The following DOCK2 variants were observed in gnomAD, a reference collection of about 807,000 sequenced individuals.
The protein encoded by DOCK2 is dedicator of cytokinesis protein 2.
DOCK2 carries 87 observed loss-of-function variants against 248.9 expected under a neutral mutation model. The ratio of observed to expected loss-of-function variants is 0.35; its 90% CI spans 0.29 to 0.42. The LOEUF (loss-of-function observed/expected upper bound fraction) is 0.42. DOCK2 is among the 10% of genes least tolerant of loss of function. The probability of loss-of-function intolerance (pLI) is 1.00; values close to 1 mark genes in which losing one functional copy is unlikely to be tolerated. For synonymous variants in DOCK2, 805 were observed against 821.6 expected, an observed-to-expected ratio of 0.98 and a Z score of 0.35; for missense variants, 1,747 against 2,300.2, an observed-to-expected ratio of 0.76 and a Z score of 4.92.
At chr5:170,016,271 C>T (rs369411226) in intron 32 of DOCK2, among the ~76,000 whole-genome samples, 3 of 152,204 alleles carry the variant, frequency 2.0e-5, no homozygotes, top group Non-Finnish European at 4.4e-5. Context: ...TTAGTAAATG[C>T]CCTTCCTTGG....
At chr5:169,994,438 G>A (rs564666944) in intron 29 of DOCK2, among the ~76,000 whole-genome samples, 79 of 152,312 alleles carry the variant, frequency 5.2e-4, no homozygotes, top group African/African-American at 1.9e-3. Flanking sequence ...CCCTGCAGAA[G>A]CTCATAGTCT....
chr5:169,695,756 C>T (rs1760580639), intron 9 of DOCK2, 47 bp from the exon 10 acceptor site: 1 of 1,601,622 alleles, frequency 6.2e-7, no homozygotes, highest in Admixed American at 1.8e-5. Context: ...TACCTTTTTT[C>T]CCCCATTCAG....
At chr5:169,774,119 T>C (rs185293472) in intron 25 of DOCK2, among the ~76,000 whole-genome samples, 1 of 152,304 alleles carries the variant, frequency 6.6e-6, no homozygotes, top group Admixed American at 6.5e-5. Flanking sequence ...TTTGCTAGGT[T>C]ATTTTTCCCC....
intron 2 of DOCK2, among the ~76,000 whole-genome samples, chr5:169,669,079 A>T (rs1284697657): frequency 6.6e-6 from 1 of 152,102 alleles, no homozygotes; most frequent in Non-Finnish European, 1.5e-5. Context: ...CCTTTATATG[A>T]AGTCTATTTT....
At chr5:169,667,223 G>A (rs972155082) in intron 2 of DOCK2, among the ~76,000 whole-genome samples, 3 of 152,178 alleles carry the variant, frequency 2.0e-5, no homozygotes, top group African/African-American at 7.2e-5. Flanking sequence ...TCAAGTCACT[G>A]CTACCAGATG....
intron 22 of DOCK2, among the ~76,000 whole-genome samples, chr5:169,730,206 C>T (rs1024965033): frequency 1.3e-5 from 2 of 152,202 alleles, no homozygotes; most frequent in Non-Finnish European, 2.9e-5. Context: ...ATCTGCCTGC[C>T]TCAGCCTCCC....
At chr5:169,903,554 G>A (rs1462935705) in intron 27 of DOCK2, among the ~76,000 whole-genome samples, 1 of 150,908 alleles carries the variant, frequency 6.6e-6, no homozygotes, top group Non-Finnish European at 1.5e-5. Context: ...GTTCGGGTGG[G>A]CACAAGTGGG....
chr5:169,961,681 G>T (rs887172961), intron 27 of DOCK2, among the ~76,000 whole-genome samples: 3 of 152,016 alleles, frequency 2.0e-5, no homozygotes, highest in Non-Finnish European at 2.9e-5. Context: ...AGTTTTTTAA[G>T]AAGAATAGAA....
rs13356757 is a variant in DOCK2 at position 169,656,743 on chromosome 5, G to A, written c.127+2257G>A. Reference sequence around the variant, plus strand: ...AATCCAGATGAGTATTTTTCTCTTCGTTGTATGCAGTTTCCCTGAATAGAA... The same window carrying A: ...AATCCAGATGAGTATTTTTCTCTTCATTGTATGCAGTTTCCCTGAATAGAA... On this transcript the variant is annotated intron_variant, in intron 2 of 51. Coordinates refer to ENST00000520908, the MANE Select transcript of DOCK2 (RefSeq NM_004946.3). Among the ~76,000 whole-genome samples the A allele has an allele frequency of 8.3e-3, 1,269 of 152,174 alleles. 26 individuals are homozygous for A. The highest frequency in any genetic ancestry group is 0.028 in the African/African-American group (1,178 of 41,506).
At chr5:169,889,204 A>G (rs1773146862) in intron 27 of DOCK2, among the ~76,000 whole-genome samples, 3 of 152,246 alleles carry the variant, frequency 2.0e-5, no homozygotes, top group Admixed American at 6.5e-5. Flanking sequence ...TGGAATAAAT[A>G]TTTGCATAAC....
At chr5:169,676,243 C>T (rs1759328308) in intron 6 of DOCK2, among the ~76,000 whole-genome samples, 1 of 152,080 alleles carries the variant, frequency 6.6e-6, no homozygotes, top group South Asian at 2.1e-4. Context: ...GCCTGGCTTC[C>T]CTCCTATTGT....
intron 22 of DOCK2, among the ~76,000 whole-genome samples, chr5:169,719,736 T>C (rs560375566): frequency 6.6e-6 from 1 of 152,234 alleles, no homozygotes; most frequent in Non-Finnish European, 1.5e-5. Context: ...CAACTCTATG[T>C]TCCTTGTTGT....
chr5:169,708,193 G>A lies in DOCK2; in HGVS notation c.1408G>A (p.Asp470Asn). 6.2e-7 allele frequency: 1 copy of A among 1,613,976 alleles called. No individual in the cohort carries two copies. Among genetic ancestry groups the A allele is most frequent in the Non-Finnish European group, 8.5e-7 (1 of 1,179,962 alleles). Residue 470 changes from aspartate to asparagine, a missense_variant, in exon 15 of 52, where the codon GAC (aspartate) becomes AAC (asparagine). Coordinates refer to ENST00000520908, the MANE Select transcript of DOCK2 (RefSeq NM_004946.3). Reference sequence around the variant, plus strand: ...GAATGCAATTTGCGTGGGAGCAGGGGACAAGCCCATGAATGAGTATCGCTC... The same window carrying A: ...GAATGCAATTTGCGTGGGAGCAGGGAACAAGCCCATGAATGAGTATCGCTC... ...LPNAICVGAG[D>N]KPMNEYRSVV...
intron 27 of DOCK2, among the ~76,000 whole-genome samples, chr5:169,866,673 C>T (rs1172352115): frequency 1.2e-4 from 19 of 152,208 alleles, no homozygotes; most frequent in African/African-American, 4.6e-4. Flanking sequence ...TAGAGACCTT[C>T]TAGCCAAAGC....
chr5:169,889,276 T>A (rs867160347), intron 27 of DOCK2, among the ~76,000 whole-genome samples: 33 of 152,356 alleles, frequency 2.2e-4, no homozygotes, highest in Middle Eastern at 6.8e-3. Flanking sequence ...AGATTTATTA[T>A]CAGTAGGTCT....
intron 1 of DOCK2, among the ~76,000 whole-genome samples, chr5:169,645,594 C>A (rs1757414666): frequency 6.6e-6 from 1 of 152,144 alleles, no homozygotes; most frequent in Non-Finnish European, 1.5e-5. Context: ...ATGATAGTTT[C>A]TTTTGCTGTG....
chr5:169,724,708 A>G (rs1225046963), intron 22 of DOCK2, among the ~76,000 whole-genome samples: 1 of 150,988 alleles, frequency 6.6e-6, no homozygotes, highest in Non-Finnish European at 1.5e-5. Flanking sequence ...TTCAGCATCA[A>G]TGACCAGACC....
At chr5:169,927,062 G>A (rs1177557724) in intron 27 of DOCK2, among the ~76,000 whole-genome samples, 1 of 152,184 alleles carries the variant, frequency 6.6e-6, no homozygotes, top group Non-Finnish European at 1.5e-5. Context: ...GACCAATATG[G>A]TATATTCTTC....
At chr5:169,731,033 AT>A (rs1018329211) in intron 22 of DOCK2, among the ~76,000 whole-genome samples, 1 of 151,880 alleles carries the variant, frequency 6.6e-6, no homozygotes, top group African/African-American at 2.4e-5. Context: ...TGCCCAGCTA[AT>A]TTTTAAATTT....
Sources: allele counts gnomAD v4.1 joint callset (sites outside exome capture counted in the v4.1 genomes callset), GRCh38; gene constraint gnomAD v4.1.1; transcripts MANE v1.5; gene names NCBI Gene and HGNC (gene_info 2026-07-23, HGNC 2026-07-21).